The following RYR3 variants were observed in gnomAD, a reference collection of about 807,000 sequenced individuals.
RYR3 encodes brain ryanodine receptor-calcium release channel.
RYR3 carries 207 observed loss-of-function variants against 584.3 expected under a neutral mutation model. The ratio of observed to expected loss-of-function variants is 0.35; its 90% CI spans 0.32 to 0.40. The LOEUF (loss-of-function observed/expected upper bound fraction) is 0.40. Among genes scored for constraint, RYR3 ranks in the 10% least tolerant of loss-of-function variants. The pLI is 1.00. For missense variants in RYR3, 5,616 were observed against 6,089.2 expected (o/e 0.92, Z 2.59); for synonymous variants, 2,416 against 2,248.5 (o/e 1.07, Z -2.11).
intron 18 of RYR3, 83 bp downstream of exon 18, chr15:33,603,447 C>G (rs1299350175): frequency 7.2e-7 from 1 of 1,391,000 alleles, no homozygotes. Context: ...ATGACCACTT[C>G]CATTTGAAAT....
chr15:33,818,930 C>T (rs1279193100), intron 76 of RYR3, among the ~76,000 whole-genome samples: 1 of 152,176 alleles, frequency 6.6e-6, no homozygotes. Context: ...TCGAGGCCAG[C>T]CTGACCGACA....
chr15:33,344,212 C>G (rs1455789382), intron 1 of RYR3, among the ~76,000 whole-genome samples: 2 of 152,124 alleles, frequency 1.3e-5, no homozygotes, highest in Admixed American at 6.5e-5. Context: ...TAAACCTGCA[C>G]CAAAAATGGA....
chr15:33,769,029 T>G (rs2073348640), intron 61 of RYR3, 83 bp from the exon 62 acceptor site: 2 of 1,014,524 alleles, frequency 2.0e-6, no homozygotes, highest in African/African-American at 1.6e-5. Flanking sequence ...GCTGGGGCTG[T>G]GGCTTGTGCA....
At position 33,816,867 on chromosome 15, in the gene RYR3, G is replaced by GCT; in HGVS notation, c.10511_10512dup (p.Ile3505LeufsTer14). ...CTCTCACCCCTTCCGCTCAGGCACC[G>GCT]CTCTATTAACCTCTTCCTCCATGGC... On this transcript the variant is annotated frameshift_variant, in exon 75 of 104. Transcript: ENST00000634891. LOFTEE classifies it high-confidence loss of function. The GCT allele has an allele frequency of 2.5e-6, 4 of 1,609,862 alleles. No individual in the cohort carries two copies. The highest frequency in any genetic ancestry group is 3.4e-6 in the Non-Finnish European group (4 of 1,177,236).
intron 92 of RYR3, among the ~76,000 whole-genome samples, chr15:33,843,790 A>C (rs1235852499): frequency 6.6e-6 from 1 of 152,240 alleles, no homozygotes; most frequent in South Asian, 2.1e-4. Context: ...TCAATAGTTC[A>C]TGCTTATTTT....
intron 1 of RYR3, among the ~76,000 whole-genome samples, chr15:33,438,777 TGATA>T (rs1177715437): frequency 1.9e-4 from 29 of 150,272 alleles, no homozygotes; most frequent in African/African-American, 6.1e-4. Flanking sequence ...CTCCTGAAAC[TGATA>T]GAGTTACAAA....
At chr15:33,381,100 C>T (rs905408005) in intron 1 of RYR3, among the ~76,000 whole-genome samples, 1 of 152,128 alleles carries the variant, frequency 6.6e-6, no homozygotes, top group East Asian at 1.9e-4. Flanking sequence ...GAAAGCGTTC[C>T]CTGTTAACAG....
At chr15:33,397,191 C>G (rs150536820) in intron 1 of RYR3, among the ~76,000 whole-genome samples, 1 of 152,250 alleles carries the variant, frequency 6.6e-6, no homozygotes, top group Non-Finnish European at 1.5e-5. Context: ...GAAAACATAC[C>G]TCCAGCCAAG....
chr15:33,467,226 T>G (rs1424147421), intron 1 of RYR3, among the ~76,000 whole-genome samples: 1 of 152,252 alleles, frequency 6.6e-6, no homozygotes. Flanking sequence ...CACTTAAACA[T>G]GAAATCTGCT....
chr15:33,628,413 A>G, intron 20 of RYR3, 58 bp from the exon 21 acceptor site: 4 of 1,280,282 alleles, frequency 3.1e-6, no homozygotes, highest in Admixed American at 1.7e-5. Context: ...CAGCTCCTAT[A>G]GATTTTATGA....
Position 33,613,345 on chromosome 15 carries a change from T to A in RYR3, c.2327T>A (p.Phe776Tyr). The A allele has an allele frequency of 6.2e-7, 1 of 1,611,124 alleles. No individual in the cohort carries two copies. The change falls in exon 19 of 104, where the codon TTC becomes TAC. Residue 776 changes from phenylalanine (F) to tyrosine (Y), a missense_variant. Physicochemically the swap from Phe to Tyr is conservative, Grantham distance 22. Around this residue, in one of 9 missense-constraint regions of RYR3, gnomAD observed 1,284 missense variants for 1,344.6 expected, o/e 0.95. Transcript: ENST00000634891. ...AACTTCAACACAGACGGGCTCTTCTTCCCTGTGATGAGCTTTTCAGCAGGT... is the reference window on the plus strand; with the variant it reads ...AACTTCAACACAGACGGGCTCTTCTACCCTGTGATGAGCTTTTCAGCAGGT... Reference protein sequence around the residue: ...FENFNTDGLFFPVMSFSAGVK... With the variant: ...FENFNTDGLFYPVMSFSAGVK...
chr15:33,823,139 G>C, intron 81 of RYR3, 67 bp downstream of exon 81: 1 of 1,353,286 alleles, frequency 7.4e-7, no homozygotes, highest in Non-Finnish European at 1.0e-6. Flanking sequence ...GGCAGGGGAA[G>C]GGGAGCACAA....
intron 59 of RYR3, among the ~76,000 whole-genome samples, chr15:33,756,932 C>T (rs1406249269): frequency 6.6e-6 from 1 of 152,160 alleles, no homozygotes; most frequent in African/African-American, 2.4e-5. Flanking sequence ...CATCCAGCTG[C>T]AAGGGAGACT....
chr15:33,688,110 A>C (rs1258843331), intron 38 of RYR3, among the ~76,000 whole-genome samples: 1 of 152,240 alleles, frequency 6.6e-6, no homozygotes, highest in Non-Finnish European at 1.5e-5. Flanking sequence ...AGAAACTACC[A>C]TCAGAGTGAA....
intron 101 of RYR3, among the ~76,000 whole-genome samples, 197 bp from the exon 102 acceptor site, chr15:33,860,881 T>TAATC (rs1301773629): frequency 2.0e-5 from 3 of 151,812 alleles, no homozygotes; most frequent in African/African-American, 7.3e-5. Flanking sequence ...TATCCTCAGC[T>TAATC]AATCAGGAGC....
intron 38 of RYR3, among the ~76,000 whole-genome samples, chr15:33,671,353 T>G (rs2063825088): frequency 6.6e-6 from 1 of 152,244 alleles, no homozygotes; most frequent in Admixed American, 6.5e-5. Flanking sequence ...TGTTACCTAT[T>G]CCTATCCATC....
At chr15:33,724,202 A>G (rs1157242856) in intron 45 of RYR3, 26 bp downstream of exon 45, 1 of 1,287,120 alleles carries the variant, frequency 7.8e-7, no homozygotes, top group Non-Finnish European at 1.1e-6. Flanking sequence ...TCCAGAGAAC[A>G]GCTTTGAGAA....
At chr15:33,526,919 A>G (rs546260358) in intron 3 of RYR3, among the ~76,000 whole-genome samples, 3 of 152,320 alleles carry the variant, frequency 2.0e-5, no homozygotes, top group Non-Finnish European at 2.9e-5. Flanking sequence ...CTCTCATAAG[A>G]TGTTTGAGCA....
rs115827933 is a variant in RYR3 at position 33,748,012 on chromosome 15, A to G, written c.7990-102A>G. On this transcript the variant is annotated intron_variant, in intron 53 of 103. Coordinates refer to ENST00000634891, the MANE Select transcript of RYR3 (RefSeq NM_001036.6). ...TTGTGAGAGAAGGCTGGTGCTAACT[A>G]GCACCCCCACCCACAGTGGGATGCA... The G allele has an allele frequency of 2.5e-3, 2,661 of 1,057,084 alleles. 53 individuals are homozygous for G. In the African/African-American group the frequency reaches 0.037, roughly 15 times the overall value. 65.5% of individuals were successfully genotyped at this position (1,057,084 alleles called of 1,614,324 possible). A position where few individuals can be genotyped will look rare whatever the true frequency, so the allele number is the denominator to read the frequency against.
Sources: allele counts gnomAD v4.1 joint callset (sites outside exome capture counted in the v4.1 genomes callset), GRCh38; gene constraint gnomAD v4.1.1; regional missense constraint gnomAD v4.1.1; transcripts MANE v1.5; gene names NCBI Gene and HGNC (gene_info 2026-07-23, HGNC 2026-07-21).